The following NAALADL2 variants were observed in gnomAD, a reference collection of about 807,000 sequenced individuals.
NAALADL2 encodes the protein inactive N-acetylated-alpha-linked acidic dipeptidase-like protein 2.
In NAALADL2, 76 loss-of-function variants were observed where a neutral mutation model predicts 87.2. The ratio of observed to expected loss-of-function variants is 0.87; its 90% CI spans 0.72 to 1.05. The LOEUF (loss-of-function observed/expected upper bound fraction) is 1.05. NAALADL2 is among the 50% of genes least tolerant of loss of function. The pLI, the probability that NAALADL2 is intolerant of heterozygous loss-of-function variation, is 0.00. For missense variants in NAALADL2, 1,089 were observed against 945.8 expected (o/e 1.15, Z -1.99); for synonymous variants, 354 against 331.0 (o/e 1.07, Z -0.75).
At chr3:175,571,000 A>T (rs957297956) in intron 9 of NAALADL2, among the ~76,000 whole-genome samples, 4 of 152,076 alleles carry the variant, frequency 2.6e-5, no homozygotes, top group Admixed American at 1.3e-4. Flanking sequence ...TTTCCTGTGC[A>T]TGTAGAGTAA....
At chr3:174,444,253 A>G (rs1577925600) in intron 1 of NAALADL2, among the ~76,000 whole-genome samples, 2 of 152,150 alleles carry the variant, frequency 1.3e-5, no homozygotes, top group South Asian at 4.1e-4. Flanking sequence ...CCTAGAACAA[A>G]TGAGAGAAGG....
intron 1 of NAALADL2, among the ~76,000 whole-genome samples, chr3:174,453,227 A>T (rs1455691644): frequency 6.6e-6 from 1 of 152,188 alleles, no homozygotes; most frequent in Non-Finnish European, 1.5e-5. Flanking sequence ...GTCAAATAAG[A>T]ATAGATTAAA....
chr3:174,854,485 A>C (rs1725626807), upstream of NAALADL2, among the ~76,000 whole-genome samples: 3 of 152,154 alleles, frequency 2.0e-5, no homozygotes, highest in East Asian at 5.8e-4. Context: ...ATAGGGTGAC[A>C]ATGGTTAACA....
intron 1 of NAALADL2, among the ~76,000 whole-genome samples, chr3:174,955,111 A>G (rs1740960956): frequency 6.6e-6 from 1 of 152,158 alleles, no homozygotes; most frequent in African/African-American, 2.4e-5. Context: ...TGGCTATCCA[A>G]GTAATGAAAA....
At chr3:175,771,229 T>A (rs1749445093) in intron 13 of NAALADL2, among the ~76,000 whole-genome samples, 1 of 152,200 alleles carries the variant, frequency 6.6e-6, no homozygotes, top group African/African-American at 2.4e-5. Context: ...TTGTTAATGT[T>A]GCATACAATT....
chr3:175,254,673 TG>T (rs1749621504), intron 3 of NAALADL2, among the ~76,000 whole-genome samples: 1 of 152,198 alleles, frequency 6.6e-6, no homozygotes, highest in African/African-American at 2.4e-5. Context: ...AGAAATCAAA[TG>T]AAAAATAGGA....
chr3:174,641,115 G>A (rs1056332756), intron 2 of NAALADL2, among the ~76,000 whole-genome samples: 6 of 152,158 alleles, frequency 3.9e-5, no homozygotes, highest in African/African-American at 1.4e-4. Context: ...TTGCTCAGGT[G>A]CGCCCTTTAA....
At chr3:175,130,283 A>G (rs1469178216) in intron 2 of NAALADL2, among the ~76,000 whole-genome samples, 4 of 151,984 alleles carry the variant, frequency 2.6e-5, no homozygotes, top group Admixed American at 6.6e-5. Context: ...TTTTTTTCCC[A>G]TTCTGTGGGT....
intron 9 of NAALADL2, among the ~76,000 whole-genome samples, chr3:175,489,957 G>T (rs553035095): frequency 6.6e-6 from 1 of 151,978 alleles, no homozygotes; most frequent in South Asian, 2.1e-4. Flanking sequence ...ATTTTTCTTG[G>T]TACCCATACC....
chr3:174,780,335 A>G (rs1193156070), intron 3 of NAALADL2, among the ~76,000 whole-genome samples: 1 of 152,192 alleles, frequency 6.6e-6, no homozygotes, highest in Non-Finnish European at 1.5e-5. Context: ...TTGATTTTGT[A>G]TCCTGAAACT....
chr3:175,243,095 G>GCA lies in NAALADL2; in HGVS notation c.819+8903_819+8904dup, dbSNP rs1382994545. On this transcript the variant is annotated intron_variant, in intron 3 of 13. Transcript: ENST00000454872. ...AACACACACACACACACACACACAC[G>GCA]CACACACACACACTATACTCAATTT... is the stretch of plus-strand genomic sequence containing the variant. Among the ~76,000 whole-genome samples the GCA allele has an allele frequency of 5.5e-3, 522 of 94,512 alleles. 4 individuals are homozygous for GCA. The highest frequency in any genetic ancestry group is 0.021 in the African/African-American group (495 of 23,116). The allele number at this position is 94,512 out of a possible 152,430, so 62.0% of individuals were successfully genotyped here. A position where few individuals can be genotyped will look rare whatever the true frequency, so the allele number is the denominator to read the frequency against.
At chr3:175,029,071 C>T (rs1039411252) in intron 1 of NAALADL2, among the ~76,000 whole-genome samples, 2 of 145,088 alleles carry the variant, frequency 1.4e-5, no homozygotes, top group African/African-American at 2.5e-5. Context: ...ATATAAAAAA[C>T]TCAAAATGTG....
intron 1 of NAALADL2, among the ~76,000 whole-genome samples, chr3:174,466,467 A>C (rs938054045): frequency 6.6e-6 from 1 of 152,008 alleles, no homozygotes; most frequent in Non-Finnish European, 1.5e-5. Flanking sequence ...ATGAGTGGCC[A>C]CTCATTCAGC....
chr3:174,469,267 T>A (rs1716744936), intron 1 of NAALADL2, among the ~76,000 whole-genome samples: 1 of 144,348 alleles, frequency 6.9e-6, no homozygotes, highest in Non-Finnish European at 1.5e-5. Flanking sequence ...AGACAGGGTC[T>A]TTTTTTTTTT....
At chr3:175,084,038 G>A (rs916338183) in intron 1 of NAALADL2, among the ~76,000 whole-genome samples, 25 of 152,182 alleles carry the variant, frequency 1.6e-4, no homozygotes, top group African/African-American at 6.0e-4. Flanking sequence ...GAATGGAAGT[G>A]TAGGCCAGGA....
chr3:175,529,242 C>T (rs1337977944), intron 9 of NAALADL2, among the ~76,000 whole-genome samples: 1 of 152,214 alleles, frequency 6.6e-6, no homozygotes, highest in Non-Finnish European at 1.5e-5. Flanking sequence ...CTGTAACTCT[C>T]TTCTTAGCCT....
chr3:174,788,781 C>T (rs1177213714), intron 3 of NAALADL2, among the ~76,000 whole-genome samples: 1 of 151,988 alleles, frequency 6.6e-6, no homozygotes, highest in Non-Finnish European at 1.5e-5. Flanking sequence ...TGAGGCAAAC[C>T]AAATACAGAG....
At chr3:175,647,884 T>C (rs1730228026) in intron 11 of NAALADL2, among the ~76,000 whole-genome samples, 2 of 152,222 alleles carry the variant, frequency 1.3e-5, no homozygotes, top group African/African-American at 4.8e-5. Context: ...TAGTTCTCTG[T>C]ATTTATTGTC....
chr3:175,240,781 G>A (rs556120128), intron 3 of NAALADL2, among the ~76,000 whole-genome samples: 16 of 152,114 alleles, frequency 1.1e-4, no homozygotes, highest in African/African-American at 1.9e-4. Flanking sequence ...TCAGCCTCCC[G>A]AGTAGCTGGG....
Sources: gnomAD v4.1 joint callset for allele counts (sites outside exome capture counted in the v4.1 genomes callset) on GRCh38, gnomAD v4.1.1 for gene constraint, MANE v1.5 for transcripts, NCBI Gene and HGNC (gene_info 2026-07-23, HGNC 2026-07-21) for gene names.